Variants in NLRP7 observed in about 807,000 individuals in gnomAD.
NLRP7 encodes NLR family pyrin domain containing 7.
In NLRP7, 72 loss-of-function variants were observed where a neutral mutation model predicts 85.5. The ratio of observed to expected loss-of-function variants is 0.84; its 90% CI spans 0.70 to 1.02. NLRP7 has a LOEUF of 1.02. Among genes scored for constraint, NLRP7 ranks in the 50% least tolerant of loss-of-function variants. NLRP7 has a pLI of 0.00. For synonymous variants in NLRP7, 550 were observed against 505.2 expected (o/e 1.09, Z -1.19); for missense variants, 1,243 against 1,219.5 (o/e 1.02, Z -0.29).
chr19:54,936,500 CA>C, intron 5 of NLRP7, 69 bp from the exon 6 acceptor site: 2 of 1,330,208 alleles, frequency 1.5e-6, no homozygotes, highest in South Asian at 1.2e-5. Flanking sequence ...CATGTATAAA[CA>C]AAAAGCTGTT....
intron 1 of NLRP7, among the ~76,000 whole-genome samples, chr19:54,956,738 C>G (rs1395314695): frequency 1.3e-5 from 2 of 151,174 alleles, no homozygotes; most frequent in Non-Finnish European, 2.9e-5. Flanking sequence ...CCTATAATAT[C>G]AGCACTTTGG....
In NLRP7 at chr19:54,962,803, G is replaced by T. The variant is rs1276247000; in HGVS notation, c.-77+3237C>A. ...TTTAGTAGAGACGGGGTTTCACCGT[G>T]TTAGCCAGGATGGTCTCCATCTCCT... On this transcript the variant is annotated intron_variant, in intron 1 of 2. Transcript: ENST00000587103. Among the ~76,000 whole-genome samples the T allele has an allele frequency of 3.5e-4, 53 of 150,010 alleles. 1 individual carries two copies. In the East Asian group the frequency reaches 9.1e-3, roughly 26 times the overall value.
At position 54,930,624 on chromosome 19, in the gene NLRP7, G is replaced by A. The variant is rs762712137; in HGVS notation, c.2685C>T (p.Leu895=). ...TGCAGGCTTCTTGGAGCGCCTCTGAGAGATATCTACAGCCAAGCTTGGTTA... is the reference window on the plus strand; with the variant it reads ...TGCAGGCTTCTTGGAGCGCCTCTGAAAGATATCTACAGCCAAGCTTGGTTA... Residue 895 remains leucine, a synonymous_variant, in exon 9 of 10, where the codon CTC becomes CTT. Coordinates refer to ENST00000340844, the Ensembl canonical transcript of NLRP7. 6.2e-6 allele frequency: 10 copies of A among 1,613,014 alleles called. No homozygotes were observed. In the Admixed American group the frequency reaches 1.2e-4, roughly 19 times the overall value.
intron 1 of NLRP7, among the ~76,000 whole-genome samples, chr19:54,952,920 C>A (rs965543067): frequency 3.3e-5 from 5 of 151,816 alleles, no homozygotes; most frequent in Admixed American, 2.0e-4. Flanking sequence ...GGTGGATTAC[C>A]CGAAGTAGAG....
chr19:54,941,711 T>C (rs777533143), exon 2 of NLRP7: 3 of 1,612,060 alleles, frequency 1.9e-6, no homozygotes, highest in East Asian at 2.2e-5. Flanking sequence ...GGCGATGTCA[T>C]AGTGCTCCGA....
chr19:54,944,530 G>T (rs2069381255), intron 1 of NLRP7, among the ~76,000 whole-genome samples: 1 of 151,456 alleles, frequency 6.6e-6, no homozygotes, highest in Admixed American at 6.6e-5. Flanking sequence ...GGAACTCAGA[G>T]ACCCGGCCGG....
exon 4 of NLRP7, chr19:54,940,211 G>A (rs774667662): frequency 2.8e-5 from 45 of 1,614,072 alleles, no homozygotes; most frequent in Non-Finnish European, 3.6e-5. Flanking sequence ...GTATCTGAGC[G>A]TCGGGCTGAG....
At chr19:54,936,689 C>A (rs1354102973) in intron 5 of NLRP7, among the ~76,000 whole-genome samples, 1 of 151,820 alleles carries the variant, frequency 6.6e-6, no homozygotes. Context: ...CCGAGGCAGG[C>A]AGATCGCCTG....
At chr19:54,961,064 A>C (rs1394138266) in intron 1 of NLRP7, among the ~76,000 whole-genome samples, 1 of 151,976 alleles carries the variant, frequency 6.6e-6, no homozygotes, top group Non-Finnish European at 1.5e-5. Flanking sequence ...TATAAATGTA[A>C]ATATTTATAT....
intron 1 of NLRP7, among the ~76,000 whole-genome samples, chr19:54,952,763 G>A (rs560669557): frequency 5.3e-5 from 8 of 152,244 alleles, no homozygotes; most frequent in East Asian, 3.9e-4. Context: ...TGTCAGAGGC[G>A]TGTAACCAGG....
upstream of NLRP7, chr19:54,947,719 G>C: frequency 8.9e-7 from 1 of 1,121,932 alleles, no homozygotes; most frequent in Non-Finnish European, 1.2e-6. Context: ...ATTACGGCTT[G>C]CTGAATCTCC....
intron 1 of NLRP7, chr19:54,965,520 A>G (rs2070332143): frequency 1.0e-5 from 1 of 97,318 alleles, no homozygotes; most frequent in Non-Finnish European, 2.2e-5. Flanking sequence ...CAGTGGCGCG[A>G]TCTCTGCTCA....
intron 1 of NLRP7, among the ~76,000 whole-genome samples, chr19:54,945,041 C>T (rs1010025399): frequency 5.3e-5 from 8 of 151,592 alleles, no homozygotes; most frequent in Non-Finnish European, 1.2e-4. Flanking sequence ...AGCTCAAGAC[C>T]ATCCTGGCTA....
chr19:54,946,170 G>C (rs1457921578), intron 1 of NLRP7, among the ~76,000 whole-genome samples: 1 of 151,554 alleles, frequency 6.6e-6, no homozygotes, highest in Admixed American at 6.6e-5. Context: ...GCCTCCCAAA[G>C]TGCTGGGATC....
upstream of NLRP7, among the ~76,000 whole-genome samples, chr19:54,950,041 G>A (rs535072968): frequency 2.9e-4 from 44 of 152,032 alleles, no homozygotes; most frequent in African/African-American, 1.0e-3. Flanking sequence ...GACAGAGGCT[G>A]CAGTGAGCTG....
At chr19:54,965,366 A>C (rs1039557988) in intron 1 of NLRP7, 1 of 102,660 alleles carries the variant, frequency 9.7e-6, no homozygotes, top group Non-Finnish European at 2.1e-5. Flanking sequence ...GAGTAGGGCC[A>C]GGTGTTGGGA....
In NLRP7 at chr19:54,941,139, G is replaced by A. The variant is rs565424529; in HGVS notation, c.278-134C>T. ...AGCACTTTGGAAGGCTGAGGTGGGCGGATCACAAGGTCAGGAGATCAAGAC... is the reference window on the plus strand; with the variant it reads ...AGCACTTTGGAAGGCTGAGGTGGGCAGATCACAAGGTCAGGAGATCAAGAC... On this transcript the variant is annotated intron_variant, in intron 2 of 9. Transcript: ENST00000340844. The A allele has an allele frequency of 4.4e-3, 3,399 of 773,680 alleles. 10 individuals are homozygous for A. Among genetic ancestry groups the A allele is most frequent in the Non-Finnish European group, 6.1e-3 (2,640 of 433,340 alleles). 47.9% of individuals were successfully genotyped at this position (773,680 alleles called of 1,614,324 possible).
exon 4 of NLRP7, chr19:54,940,465 A>G (rs201923645): frequency 1.2e-6 from 2 of 1,613,340 alleles, no homozygotes; most frequent in South Asian, 1.1e-5. Flanking sequence ...CTTCCTTTTC[A>G]CCTGCAGTGA....
chr19:54,940,069 G>A (rs140816006), exon 4 of NLRP7: 25 of 1,614,164 alleles, frequency 1.5e-5, no homozygotes, highest in African/African-American at 1.5e-4. Context: ...CATCGACCAC[G>A]AACAGGATTC....
Sources: allele counts gnomAD v4.1 joint callset (sites outside exome capture counted in the v4.1 genomes callset), GRCh38; gene constraint gnomAD v4.1.1; transcripts MANE v1.5; gene names NCBI Gene and HGNC (gene_info 2026-07-23, HGNC 2026-07-21).